SLC30A9: variants seen among roughly 807,000 people sequenced by gnomAD.
The protein encoded by SLC30A9 is solute carrier family 30 member 9, also known as proton-coupled zinc antiporter SLC30A9, mitochondrial.
Under a neutral mutation model 87.5 loss-of-function variants are expected in SLC30A9, and 58 were observed. That is an observed-to-expected ratio of 0.66 (90% CI 0.54 to 0.82). The LOEUF (loss-of-function observed/expected upper bound fraction) is 0.82. Among genes scored for constraint, SLC30A9 ranks in the 40% least tolerant of loss-of-function variants. The pLI is 0.00. For synonymous variants in SLC30A9, 234 were observed against 233.0 expected (o/e 1.00, Z -0.04); for missense variants, 557 against 679.1 (o/e 0.82, Z 2.00).
At chr4:41,992,108 G>A (rs1456503183) in intron 1 of SLC30A9, among the ~76,000 whole-genome samples, 2 of 152,036 alleles carry the variant, frequency 1.3e-5, no homozygotes, top group African/African-American at 2.4e-5. Context: ...ACCTTAGGAC[G>A]CTGAGGTGGG....
At chr4:42,021,894 CTGT>C in intron 4 of SLC30A9, among the ~76,000 whole-genome samples, 1 of 148,078 alleles carries the variant, frequency 6.8e-6, no homozygotes, top group African/African-American at 2.5e-5. Flanking sequence ...GGGACTATGG[CTGT>C]GCGCCACCAC....
chr4:42,022,118 T>C (rs1444759097), intron 4 of SLC30A9, among the ~76,000 whole-genome samples: 2 of 150,662 alleles, frequency 1.3e-5, no homozygotes, highest in African/African-American at 4.9e-5. Context: ...GTATTTTTAG[T>C]AGAGACAGGG....
At chr4:42,082,235 T>TAAATA (rs71200206) in intron 17 of SLC30A9, among the ~76,000 whole-genome samples, 4 of 36,716 alleles carry the variant, frequency 1.1e-4, no homozygotes, top group African/African-American at 1.4e-4. Context: ...AAAAAATAAA[T>TAAATA]AAATAAAATA....
chr4:42,019,904 A>G (rs1387356785), intron 3 of SLC30A9, among the ~76,000 whole-genome samples: 1 of 151,754 alleles, frequency 6.6e-6, no homozygotes, highest in African/African-American at 2.4e-5. Context: ...AGTGGTTCTC[A>G]TGCCTCAGCC....
chr4:42,064,066 T>C (rs1483636738), intron 11 of SLC30A9, among the ~76,000 whole-genome samples: 1 of 152,344 alleles, frequency 6.6e-6, no homozygotes, highest in East Asian at 1.9e-4. Context: ...TGCGTATGGA[T>C]GTATCACTCA....
chr4:42,060,821 A>G (rs1345597082), intron 10 of SLC30A9, among the ~76,000 whole-genome samples: 1 of 152,150 alleles, frequency 6.6e-6, no homozygotes, highest in Non-Finnish European at 1.5e-5. Flanking sequence ...TCATTTTAAG[A>G]CTAGCTTCAG....
At chr4:42,015,226 AC>A (rs1715661711) in intron 2 of SLC30A9, among the ~76,000 whole-genome samples, 1 of 152,162 alleles carries the variant, frequency 6.6e-6, no homozygotes, top group South Asian at 2.1e-4. Context: ...TTAAACAAAA[AC>A]CCAAAAAATA....
At chr4:42,065,473 C>A in intron 12 of SLC30A9, 124 bp downstream of exon 12, 1 of 646,062 alleles carries the variant, frequency 1.5e-6, no homozygotes. Context: ...GGCATCTAAG[C>A]TTTCTCTACT....
At chr4:42,042,206 CAG>C (rs1368209904) in intron 8 of SLC30A9, among the ~76,000 whole-genome samples, 9 of 152,124 alleles carry the variant, frequency 5.9e-5, no homozygotes, top group African/African-American at 2.2e-4. Flanking sequence ...GCCAGTGAGA[CAG>C]AACCTTTTAA....
chr4:42,084,856 A>G (rs1577728892), intron 17 of SLC30A9, among the ~76,000 whole-genome samples: 1 of 152,208 alleles, frequency 6.6e-6, no homozygotes, highest in South Asian at 2.1e-4. Context: ...GTAATTGCCT[A>G]CTTAATTTAC....
chr4:42,044,386 C>CCA (rs1213185723), intron 8 of SLC30A9, among the ~76,000 whole-genome samples: 2 of 98,732 alleles, frequency 2.0e-5, no homozygotes, highest in African/African-American at 8.8e-5. Flanking sequence ...AAATGGAAAG[C>CCA]AAAAAAAAAA....
Position 42,067,065 on chromosome 4 carries a change from G to C in SLC30A9, c.1145-20G>C, listed in dbSNP as rs1374967105. The C allele has an allele frequency of 2.0e-6, 3 of 1,469,752 alleles. No homozygotes were observed. Among genetic ancestry groups the C allele is most frequent in the African/African-American group, 1.4e-5 (1 of 71,748 alleles). The allele number at this position is 1,469,752 out of a possible 1,614,324, so 91.0% of individuals were successfully genotyped here. On this transcript the variant is annotated intron_variant, in intron 13 of 17. Transcript: ENST00000264451. ...AAGATTTTAGAAATTTTCTTGTCTT[G>C]TCTCTTCCCCAATGACTAGTAATGG...
chr4:41,999,162 A>G (rs1714872220), intron 1 of SLC30A9, among the ~76,000 whole-genome samples: 1 of 152,208 alleles, frequency 6.6e-6, no homozygotes, highest in Non-Finnish European at 1.5e-5. Context: ...AGTTGTAATG[A>G]TATACACACA....
intron 9 of SLC30A9, among the ~76,000 whole-genome samples, chr4:42,059,244 A>G (rs952278879): frequency 5.3e-5 from 8 of 152,182 alleles, no homozygotes; most frequent in African/African-American, 1.9e-4. Context: ...TTAATCAACT[A>G]AAATTACATA....
intron 3 of SLC30A9, among the ~76,000 whole-genome samples, chr4:42,018,771 G>A (rs1456386411): frequency 6.6e-6 from 1 of 152,102 alleles, no homozygotes; most frequent in African/African-American, 2.4e-5. Context: ...CTATAACGTG[G>A]TGCTGAAAAT....
chr4:42,085,599 T>C (rs1718897049), intron 17 of SLC30A9, among the ~76,000 whole-genome samples: 1 of 152,224 alleles, frequency 6.6e-6, no homozygotes, highest in Admixed American at 6.5e-5. Context: ...GCTATGCTGG[T>C]CTCCCTAGCT....
At chr4:42,016,032 T>C (rs1282998901) in intron 2 of SLC30A9, among the ~76,000 whole-genome samples, 1 of 152,144 alleles carries the variant, frequency 6.6e-6, no homozygotes, top group Non-Finnish European at 1.5e-5. Context: ...ATGCCCCAGT[T>C]TCCTCATAAC....
At chr4:42,079,122 A>G (rs954156127) in intron 17 of SLC30A9, among the ~76,000 whole-genome samples, 2 of 152,062 alleles carry the variant, frequency 1.3e-5, no homozygotes, top group African/African-American at 2.4e-5. Context: ...AATTTTCTAG[A>G]TGATATTTTG....
chr4:42,037,308 T>C (rs1716724587), intron 7 of SLC30A9, among the ~76,000 whole-genome samples: 1 of 148,766 alleles, frequency 6.7e-6, no homozygotes, highest in Non-Finnish European at 1.5e-5. Flanking sequence ...TTTTCCAATA[T>C]ATTCTTATCT....
Sources: allele counts gnomAD v4.1 joint callset (sites outside exome capture counted in the v4.1 genomes callset), GRCh38; gene constraint gnomAD v4.1.1; transcripts MANE v1.5; gene names NCBI Gene and HGNC (gene_info 2026-07-23, HGNC 2026-07-21).